OXR1: variants seen among roughly 807,000 people sequenced by gnomAD.
The protein encoded by OXR1 is oxidation resistance protein 1.
OXR1 carries 41 observed loss-of-function variants against 104.6 expected under a neutral mutation model. That is an observed-to-expected ratio of 0.39 (90% CI 0.31 to 0.51). OXR1 has a LOEUF of 0.51. Ranked by LOEUF, OXR1 falls within the 20% of genes least tolerant of loss-of-function variation. The pLI is 0.77. For missense variants in OXR1, 955 were observed against 1,031.9 expected (o/e 0.93, Z 1.02); for synonymous variants, 348 against 348.4 (o/e 1.00, Z 0.01).
intron 3 of OXR1, among the ~76,000 whole-genome samples, chr8:106,653,565 A>T (rs1263941763): frequency 6.6e-6 from 1 of 152,004 alleles, no homozygotes; most frequent in Non-Finnish European, 1.5e-5. Context: ...ATGACAAAAA[A>T]ATTAGAAATT....
At chr8:106,334,510 G>A (rs2130239385) in intron 1 of OXR1, among the ~76,000 whole-genome samples, 1 of 152,254 alleles carries the variant, frequency 6.6e-6, no homozygotes, top group East Asian at 1.9e-4. Flanking sequence ...CCTGATCTTA[G>A]GGGAAAGCTT....
At chr8:106,377,788 A>C (rs1586583039) in intron 2 of OXR1, among the ~76,000 whole-genome samples, 1 of 152,258 alleles carries the variant, frequency 6.6e-6, no homozygotes, top group Non-Finnish European at 1.5e-5. Context: ...TTATCTAAAC[A>C]TGTCAATTGC....
chr8:106,492,199 A>T (rs1419725462), intron 2 of OXR1, among the ~76,000 whole-genome samples: 1 of 152,180 alleles, frequency 6.6e-6, no homozygotes, highest in East Asian at 1.9e-4. Context: ...ATGACAGAGG[A>T]ACTCATTTGT....
chr8:106,482,884 G>C (rs1822221875), intron 2 of OXR1, among the ~76,000 whole-genome samples: 1 of 151,932 alleles, frequency 6.6e-6, no homozygotes, highest in African/African-American at 2.4e-5. Flanking sequence ...TGAGTACAGA[G>C]TGTCTTACCA....
intron 3 of OXR1, among the ~76,000 whole-genome samples, chr8:106,597,372 C>T (rs1407795978): frequency 1.3e-5 from 2 of 152,064 alleles, no homozygotes; most frequent in Non-Finnish European, 2.9e-5. Flanking sequence ...CCTGCAGGCA[C>T]CTTGATCTTG....
At chr8:106,549,449 C>A (rs1815633572) in intron 3 of OXR1, among the ~76,000 whole-genome samples, 2 of 152,088 alleles carry the variant, frequency 1.3e-5, no homozygotes, top group Non-Finnish European at 2.9e-5. Context: ...TTAGAAACTT[C>A]TAATTTTTAA....
intron 3 of OXR1, among the ~76,000 whole-genome samples, chr8:106,537,804 G>C (rs1032302243): frequency 2.0e-5 from 3 of 152,066 alleles, no homozygotes; most frequent in African/African-American, 4.8e-5. Flanking sequence ...GGTTCAGAGA[G>C]GGGGGAATAT....
At chr8:106,281,492 ATGTT>A (rs992459692) in intron 1 of OXR1, among the ~76,000 whole-genome samples, 1 of 152,162 alleles carries the variant, frequency 6.6e-6, no homozygotes, top group Non-Finnish European at 1.5e-5. Flanking sequence ...GACAATGTAA[ATGTT>A]TGGAAGTAGA....
chr8:106,675,310 T>C (rs1454357470), intron 3 of OXR1, among the ~76,000 whole-genome samples: 1 of 152,104 alleles, frequency 6.6e-6, no homozygotes, highest in East Asian at 1.9e-4. Context: ...GTCCACAAAC[T>C]TGACCTCATG....
intron 4 of OXR1, among the ~76,000 whole-genome samples, chr8:106,682,854 C>T (rs1052044449): frequency 2.0e-5 from 3 of 152,110 alleles, no homozygotes; most frequent in Non-Finnish European, 4.4e-5. Context: ...CTAGAAGTCA[C>T]ATATATTTTA....
intron 3 of OXR1, among the ~76,000 whole-genome samples, chr8:106,612,449 T>C (rs1586897081): frequency 6.6e-6 from 1 of 152,152 alleles, no homozygotes; most frequent in African/African-American, 2.4e-5. Flanking sequence ...TACATATGTA[T>C]CATTCATTTT....
intron 2 of OXR1, among the ~76,000 whole-genome samples, chr8:106,386,685 T>C (rs1164285501): frequency 6.6e-6 from 1 of 151,830 alleles, no homozygotes; most frequent in African/African-American, 2.4e-5. Context: ...ACCTTGAAGG[T>C]GGATATGGTG....
chr8:106,431,826 C>A (rs968816549), intron 2 of OXR1, among the ~76,000 whole-genome samples: 1 of 152,060 alleles, frequency 6.6e-6, no homozygotes, highest in African/African-American at 2.4e-5. Flanking sequence ...ATGTGAAAAC[C>A]AGAATATTAC....
intron 2 of OXR1, among the ~76,000 whole-genome samples, chr8:106,508,817 G>A (rs531560872): frequency 1.1e-4 from 17 of 152,100 alleles, no homozygotes; most frequent in Non-Finnish European, 2.1e-4. Flanking sequence ...AGTTAAGAGG[G>A]TAGATCGTTG....
chr8:106,514,120 A>G (rs537848634), intron 2 of OXR1, among the ~76,000 whole-genome samples: 25 of 152,036 alleles, frequency 1.6e-4, no homozygotes, highest in Admixed American at 1.5e-3. Flanking sequence ...TCAACAAAGA[A>G]CCTCGCAGTG....
intron 9 of OXR1, among the ~76,000 whole-genome samples, chr8:106,710,124 A>C (rs546079760): frequency 6.6e-6 from 1 of 152,266 alleles, no homozygotes; most frequent in East Asian, 1.9e-4. Context: ...AGGTGGCAGA[A>C]TCTAACATAT....
intron 1 of OXR1, among the ~76,000 whole-genome samples, chr8:106,309,155 T>C (rs1471750167): frequency 2.0e-5 from 3 of 152,080 alleles, no homozygotes; most frequent in Non-Finnish European, 4.4e-5. Context: ...TTACATTTTT[T>C]ATTTTTGGTA....
chr8:106,556,635 T>A lies in OXR1; in HGVS notation c.220+37496T>A, dbSNP rs1487181273. ...TTAAATGAGATCATGCACAGAAAGA[T>A]GAGCTTAGTAGGAAGTCATATGTCC... On this transcript the variant is annotated intron_variant, in intron 3 of 16. Transcript: ENST00000517566. 2.0e-5 allele frequency among the ~76,000 whole-genome samples: 3 copies of A among 152,260 alleles called. No individual in the cohort carries two copies. The East Asian group carries it at 5.8e-4, about 29-fold the overall frequency.
At chr8:106,589,586 C>T (rs533386108) in intron 3 of OXR1, among the ~76,000 whole-genome samples, 13 of 152,118 alleles carry the variant, frequency 8.5e-5, no homozygotes, top group African/African-American at 1.2e-4. Flanking sequence ...TTTCAGACGA[C>T]GCAGCACCCA....
Sources: allele counts gnomAD v4.1 joint callset (sites outside exome capture counted in the v4.1 genomes callset), GRCh38; gene constraint gnomAD v4.1.1; transcripts MANE v1.5; gene names NCBI Gene and HGNC (gene_info 2026-07-23, HGNC 2026-07-21).